CNGB3: variants seen among roughly 807,000 people sequenced by gnomAD.
The protein encoded by CNGB3 is cyclic nucleotide gated channel subunit beta 3.
In CNGB3, 86 loss-of-function variants were observed where a neutral mutation model predicts 92.8. The ratio of observed to expected loss-of-function variants is 0.93; its 90% CI spans 0.78 to 1.11. The LOEUF (loss-of-function observed/expected upper bound fraction) is 1.11, where lower values mean the gene tolerates loss of function less well. Among genes scored for constraint, CNGB3 ranks in the 50% least tolerant of loss-of-function variants. The pLI is 0.00. For synonymous variants in CNGB3, 333 were observed against 332.7 expected (o/e 1.00, Z -0.01); for missense variants, 1,026 against 956.8 (o/e 1.07, Z -0.95).
rs192081324 is a variant in CNGB3 at position 86,657,966 on chromosome 8, C to T, written c.853-3904G>A. 5.4e-6 allele frequency: 3 copies of T among 554,988 alleles called. No individual in the cohort carries two copies. The East Asian group carries it at 1.3e-4, about 25-fold the overall frequency. The allele number at this position is 554,988 out of a possible 1,614,324, so 34.4% of individuals were successfully genotyped here. On this transcript the variant is annotated intron_variant, in intron 6 of 17. Transcript: ENST00000320005. ...CCTCCCCCTCACTGATGACGTCTGT[C>T]TCTCCAGACAGCTGGATGCAGCGAC...
chr8:86,708,198 T>C (rs2131655472), intron 3 of CNGB3, among the ~76,000 whole-genome samples: 1 of 152,190 alleles, frequency 6.6e-6, no homozygotes, highest in Admixed American at 6.5e-5. Flanking sequence ...TAAAAGAATC[T>C]AGGTAAAGAA....
intron 15 of CNGB3, among the ~76,000 whole-genome samples, chr8:86,583,797 G>A (rs758246335): frequency 1.5e-4 from 23 of 151,890 alleles, no homozygotes; most frequent in Non-Finnish European, 3.2e-4. Context: ...GCACACACCT[G>A]TAGTCCCAGC....
At chr8:86,603,963 C>T in intron 15 of CNGB3, 130 bp downstream of exon 15, 2 of 685,054 alleles carry the variant, frequency 2.9e-6, no homozygotes, top group South Asian at 3.3e-5. Context: ...TATGAAAATC[C>T]TTATTTTACG....
intron 2 of CNGB3, among the ~76,000 whole-genome samples, chr8:86,738,884 A>G (rs1825291926): frequency 6.6e-6 from 1 of 151,560 alleles, no homozygotes; most frequent in Non-Finnish European, 1.5e-5. Flanking sequence ...GTCCTTATGA[A>G]AGGAGATTTG....
chr8:86,694,080 ACC>A (rs71275874), intron 3 of CNGB3, among the ~76,000 whole-genome samples: 1 of 105,550 alleles, frequency 9.5e-6, no homozygotes, highest in African/African-American at 3.6e-5. Flanking sequence ...GGGGGGGCTG[ACC>A]CCCCCACCTC....
intron 2 of CNGB3, among the ~76,000 whole-genome samples, chr8:86,735,630 C>T (rs1825237688): frequency 6.6e-6 from 1 of 152,120 alleles, no homozygotes. Flanking sequence ...CTCCAGAGAG[C>T]ATCAATCCAA....
chr8:86,655,408 G>C (rs1823485728), intron 6 of CNGB3, among the ~76,000 whole-genome samples: 1 of 152,184 alleles, frequency 6.6e-6, no homozygotes, highest in Non-Finnish European at 1.5e-5. Flanking sequence ...GAGCATCCCA[G>C]AAACAGAACC....
At chr8:86,578,905 G>T in intron 16 of CNGB3, 42 bp from the exon 17 acceptor site, 4 of 1,612,682 alleles carry the variant, frequency 2.5e-6, no homozygotes, top group Non-Finnish European at 3.4e-6. Flanking sequence ...AACTCTGTGA[G>T]AGTTCTGGCA....
chr8:86,595,299 A>G (rs1408462276), intron 15 of CNGB3, among the ~76,000 whole-genome samples: 9 of 152,360 alleles, frequency 5.9e-5, no homozygotes, highest in Non-Finnish European at 1.2e-4. Flanking sequence ...ATGTCAAGGT[A>G]TGACTCTCAG....
chr8:86,628,652 G>A lies in CNGB3; in HGVS notation c.1480+267C>T, dbSNP rs1330031086. ...TTTTCCCACTTCCTTTTTTGTATGTGTGACTATATGAGACAATGTGTGTAA... is the reference window on the plus strand; with the variant it reads ...TTTTCCCACTTCCTTTTTTGTATGTATGACTATATGAGACAATGTGTGTAA... On this transcript the variant is annotated intron_variant, in intron 12 of 17. Coordinates refer to ENST00000320005, the MANE Select transcript of CNGB3 (RefSeq NM_019098.5). Among the ~76,000 whole-genome samples, 8 of 151,778 alleles carry A rather than the reference G, an allele frequency of 5.3e-5. No individual in the cohort carries two copies. The East Asian group carries it at 1.5e-3, about 29-fold the overall frequency.
intron 3 of CNGB3, among the ~76,000 whole-genome samples, chr8:86,704,769 A>G (rs1323849256): frequency 1.3e-5 from 2 of 152,212 alleles, no homozygotes; most frequent in Non-Finnish European, 2.9e-5. Flanking sequence ...TATAATCTAA[A>G]TTGAATTCTT....
intron 14 of CNGB3, among the ~76,000 whole-genome samples, chr8:86,605,945 T>C (rs1031594390): frequency 2.0e-5 from 3 of 152,188 alleles, no homozygotes; most frequent in Non-Finnish European, 2.9e-5. Flanking sequence ...ATAAGGAAGG[T>C]AGAGTAAGTA....
chr8:86,679,832 G>T (rs1824046401), intron 3 of CNGB3, among the ~76,000 whole-genome samples: 1 of 152,002 alleles, frequency 6.6e-6, no homozygotes, highest in East Asian at 1.9e-4. Context: ...GGCCAGGATT[G>T]GTGTCCTTAT....
intron 2 of CNGB3, among the ~76,000 whole-genome samples, chr8:86,731,742 A>G (rs981473514): frequency 2.6e-5 from 4 of 152,164 alleles, no homozygotes; most frequent in African/African-American, 9.7e-5. Context: ...AATGAAAAAT[A>G]CTTTTGTCCT....
intron 11 of CNGB3, among the ~76,000 whole-genome samples, chr8:86,631,026 C>T (rs1233599122): frequency 6.6e-6 from 1 of 152,168 alleles, no homozygotes; most frequent in Non-Finnish European, 1.5e-5. Flanking sequence ...GAGTTTGAGG[C>T]ACATATCTGT....
At chr8:86,657,410 T>C (rs1823531890) in intron 6 of CNGB3, 1 of 489,918 alleles carries the variant, frequency 2.0e-6, no homozygotes, top group Non-Finnish European at 4.1e-6. Context: ...ACCTCATTTC[T>C]TGTCAGCATG....
At chr8:86,608,483 T>A (rs1283142387) in intron 14 of CNGB3, among the ~76,000 whole-genome samples, 1 of 152,012 alleles carries the variant, frequency 6.6e-6, no homozygotes. Flanking sequence ...CCTGGGGGAG[T>A]TTAGAGAAGA....
chr8:86,649,037 A>G (rs566521733), intron 7 of CNGB3, among the ~76,000 whole-genome samples: 2 of 151,624 alleles, frequency 1.3e-5, no homozygotes, highest in African/African-American at 4.8e-5. Flanking sequence ...GCTGAGAAGC[A>G]AATCAGGAAC....
At chr8:86,643,942 C>G (rs1280405866) in intron 9 of CNGB3, 69 bp from the exon 10 acceptor site, 7 of 1,560,284 alleles carry the variant, frequency 4.5e-6, no homozygotes, top group Non-Finnish European at 5.2e-6. Flanking sequence ...TTAACATTTT[C>G]TTTTCCTTAA....
Sources: gnomAD v4.1 joint callset for allele counts (sites outside exome capture counted in the v4.1 genomes callset) on GRCh38, gnomAD v4.1.1 for gene constraint, MANE v1.5 for transcripts, NCBI Gene and HGNC (gene_info 2026-07-23, HGNC 2026-07-21) for gene names.